The following PASD1 variants were observed in gnomAD, a reference collection of about 807,000 sequenced individuals.
PASD1 encodes the protein PAS domain containing repressor 1, also known as circadian clock protein PASD1.
In PASD1, 13 loss-of-function variants were observed where a neutral mutation model predicts 58.8. The ratio of observed to expected loss-of-function variants is 0.22; its 90% confidence interval spans 0.14 to 0.35. PASD1 has a LOEUF of 0.35. Ranked by LOEUF, PASD1 falls within the 10% of genes least tolerant of loss-of-function variation. The probability of loss-of-function intolerance (pLI) is 1.00; values close to 1 mark genes in which losing one functional copy is unlikely to be tolerated. For missense variants in PASD1, 734 were observed against 568.3 expected, an observed-to-expected ratio of 1.29 and a Z score of -2.96; for synonymous variants, 236 against 216.7, an observed-to-expected ratio of 1.09 and a Z score of -0.78.
intron 1 of PASD1, among the ~76,000 whole-genome samples, chrX:151,581,732 G>A (rs913225117): frequency 8.1e-5 from 9 of 110,509 alleles, no homozygotes; most frequent in Non-Finnish European, 1.1e-4. Context: ...TAGAACTTGG[G>A]GACAAAATGA....
At chrX:151,621,757 A>G (rs2013714265) in intron 6 of PASD1, among the ~76,000 whole-genome samples, 165 bp downstream of exon 6, 1 of 102,869 alleles carries the variant, frequency 9.7e-6, no homozygotes, top group Non-Finnish European at 1.9e-5. Flanking sequence ...TTAACAGTGA[A>G]ATTTACAAGG....
At chrX:151,634,067 A>G (rs1488296789) in intron 8 of PASD1, among the ~76,000 whole-genome samples, 1 of 111,791 alleles carries the variant, frequency 8.9e-6, no homozygotes, top group African/African-American at 3.2e-5. Context: ...TTATCTTGAG[A>G]CATTCTTTTG....
chrX:151,611,555 C>G (rs1203386128), intron 3 of PASD1, 109 bp from the exon 4 acceptor site: 11 of 485,821 alleles, frequency 2.3e-5, no homozygotes, highest in Non-Finnish European at 3.0e-5. Context: ...TATTTAAGGA[C>G]TGGGGTGCAT....
At chrX:151,611,621 A>T in intron 3 of PASD1, 43 bp from the exon 4 acceptor site, 2 of 941,466 alleles carry the variant, frequency 2.1e-6, no homozygotes, top group Non-Finnish European at 3.0e-6. Context: ...TCATTTTATT[A>T]TTGTTCCACT....
rs1949557944 is a variant in PASD1, at chrX:151,672,468, A to C, written c.1723A>C (p.Asn575His). 2.5e-6 allele frequency: 3 copies of C among 1,211,943 alleles called. No homozygotes were observed. The highest frequency in any genetic ancestry group is 3.3e-6 in the Non-Finnish European group (3 of 895,590). Residue 575 changes from asparagine (N) to histidine (H), a missense_variant, in exon 14 of 16, where the codon AAT becomes CAT. Transcript: ENST00000370357. ...QQLQEQPLKHNVIVGNERVQI... is the reference protein window; with the variant it reads ...QQLQEQPLKHHVIVGNERVQI... ...GCTGCAAGAGCAGCCACTGAAGCATAATGTCATCGTGGGGAATGAGAGGGT... is the reference window on the plus strand; with the variant it reads ...GCTGCAAGAGCAGCCACTGAAGCATCATGTCATCGTGGGGAATGAGAGGGT...
intron 14 of PASD1, 25 bp from the exon 15 acceptor site, chrX:151,673,903 C>T (rs1193873342): frequency 5.0e-6 from 6 of 1,209,446 alleles, no homozygotes; most frequent in Non-Finnish European, 6.7e-6. Flanking sequence ...ATCCACATCA[C>T]TGCAACAGCT....
Position 151,664,173 on chromosome X carries a change from C to T in PASD1, c.896C>T (p.Ala299Val). The change falls in exon 11 of 16, where the codon GCA becomes GTA. Residue 299 changes from alanine to valine, a missense_variant. By Grantham distance (64) the Ala-to-Val change is moderately conservative. Transcript: ENST00000370357. ...GEPEVNPLYR[A>V]DPVDLEFSVD... is the part of the protein sequence containing the mutation. ...CCTGAGGTGAATCCATTGTACAGGG[C>T]AGACCCAGTGGACCTGGAGTTCTCG... 8.3e-7 allele frequency: 1 copy of T among 1,208,932 alleles called. No homozygotes were observed.
chrX:151,593,435 T>C, intron 1 of PASD1, among the ~76,000 whole-genome samples: 1 of 84,134 alleles, frequency 1.2e-5, no homozygotes. Flanking sequence ...TGATATTCCC[T>C]GCCCTGTGTC....
chrX:151,624,215 G>A (rs897211801), intron 7 of PASD1, among the ~76,000 whole-genome samples: 1 of 111,374 alleles, frequency 9.0e-6, no homozygotes, highest in Non-Finnish European at 1.9e-5. Context: ...TTGCTGATGA[G>A]TTAGAAGTGT....
At chrX:151,602,697 A>AAATAAT (rs753023498) in intron 2 of PASD1, among the ~76,000 whole-genome samples, 3 of 103,019 alleles carry the variant, frequency 2.9e-5, no homozygotes, top group Admixed American at 2.1e-4. Flanking sequence ...CTCCATCTCA[A>AAATAAT]AATAATAATA....
intron 1 of PASD1, among the ~76,000 whole-genome samples, chrX:151,584,025 T>G (rs1162783060): frequency 8.9e-6 from 1 of 111,816 alleles, no homozygotes; most frequent in Non-Finnish European, 1.9e-5. Flanking sequence ...TATAGGCACA[T>G]TCCTAGTGAG....
intron 8 of PASD1, among the ~76,000 whole-genome samples, chrX:151,640,060 CT>C (rs1212559255): frequency 2.7e-5 from 3 of 111,841 alleles, no homozygotes; most frequent in Non-Finnish European, 3.8e-5. Flanking sequence ...AATAATAGTC[CT>C]ATAAAAGTGA....
intron 8 of PASD1, among the ~76,000 whole-genome samples, chrX:151,636,942 A>G (rs1287892091): frequency 9.0e-6 from 1 of 111,685 alleles, no homozygotes; most frequent in African/African-American, 3.3e-5. Flanking sequence ...CCACTGATCT[A>G]TACTTCATCC....
rs191237751 is a variant in PASD1, at chrX:151,625,859, A to T, written c.629+329A>T. On this transcript the variant is annotated intron_variant, in intron 8 of 15. Coordinates refer to ENST00000370357, the MANE Select transcript of PASD1 (RefSeq NM_173493.3). ...CTATTTGGGATACTGATGTGGGAGGATCAGTTGAGCCCGGGATATCAAGTC... is the reference window on the plus strand; with the variant it reads ...CTATTTGGGATACTGATGTGGGAGGTTCAGTTGAGCCCGGGATATCAAGTC... Among the ~76,000 whole-genome samples, 12 of 111,247 alleles carry T rather than the reference A, an allele frequency of 1.1e-4. No homozygotes were observed. In the East Asian group the frequency reaches 3.1e-3, roughly 29 times the overall value.
At position 151,671,029 on chromosome X, in the gene PASD1, T is replaced by C. The variant is rs771718017; in HGVS notation, c.1072-9T>C. ...CTATACATGAACCATAAGTAATTCC[T>C]CCCCACAGCCATTACAGCCATCATC... On this transcript the variant is annotated splice_polypyrimidine_tract_variant and intron_variant, in intron 11 of 15. Transcript: ENST00000370357. 1 of 1,205,529 alleles carries C rather than the reference T, an allele frequency of 8.3e-7. No homozygotes were observed. Among genetic ancestry groups the C allele is most frequent in the African/African-American group, 1.8e-5 (1 of 57,104 alleles).
chrX:151,565,123 C>A (rs976450395), intron 1 of PASD1, among the ~76,000 whole-genome samples: 1 of 111,957 alleles, frequency 8.9e-6, no homozygotes, highest in Non-Finnish European at 1.9e-5. Context: ...TACTGACTGG[C>A]TGTGCTTTTC....
chrX:151,618,281 A>G (rs747655739), intron 4 of PASD1, among the ~76,000 whole-genome samples: 7 of 112,039 alleles, frequency 6.2e-5, no homozygotes, highest in Non-Finnish European at 9.4e-5. Flanking sequence ...ATAAAGATAT[A>G]TTTCTAAATA....
In PASD1 at chrX:151,568,215, G is replaced by C. The variant is rs753157235; in HGVS notation, c.-28+4376G>C. Among the ~76,000 whole-genome samples, 3 of 112,071 alleles carry C rather than the reference G, an allele frequency of 2.7e-5. No homozygotes were observed. In the East Asian group the frequency reaches 8.4e-4, roughly 31 times the overall value. On this transcript the variant is annotated intron_variant, in intron 1 of 15. Transcript: ENST00000370357. ...AACTAGAATACCGTTCTTGTTATTT[G>C]ATATGTATTTATGGAGTGTGTGTGT...
intron 1 of PASD1, among the ~76,000 whole-genome samples, chrX:151,564,221 G>C (rs1476925433): frequency 8.9e-6 from 1 of 112,873 alleles, no homozygotes; most frequent in African/African-American, 3.2e-5. Flanking sequence ...CGGGCGGTTC[G>C]GGTGAGAACG....
Sources: allele counts gnomAD v4.1 joint callset (sites outside exome capture counted in the v4.1 genomes callset), GRCh38; gene constraint gnomAD v4.1.1; transcripts MANE v1.5; gene names NCBI Gene and HGNC (gene_info 2026-07-23, HGNC 2026-07-21).